The following RORA variants were observed in gnomAD, a reference collection of about 807,000 sequenced individuals.
The protein encoded by RORA is nuclear receptor ROR-alpha.
RORA carries 7 observed loss-of-function variants against 69.5 expected under a neutral mutation model. The ratio of observed to expected loss-of-function variants is 0.10; its 90% CI spans 0.06 to 0.19. The LOEUF is 0.19. Ranked by LOEUF, RORA falls within the 10% of genes least tolerant of loss-of-function variation. RORA has a pLI of 1.00. For synonymous variants in RORA, 261 were observed against 240.8 expected (o/e 1.08, Z -0.78); for missense variants, 457 against 663.0 (o/e 0.69, Z 3.41).
At chr15:60,630,888 CTTTTTT>C (rs542275787) in intron 2 of RORA, among the ~76,000 whole-genome samples, 1 of 109,902 alleles carries the variant, frequency 9.1e-6, no homozygotes, top group African/African-American at 3.8e-5. Context: ...ATGAGACTTT[CTTTTTT>C]TTTTTTTTTT....
chr15:60,906,241 G>A (rs988287758), intron 1 of RORA, among the ~76,000 whole-genome samples: 3 of 152,076 alleles, frequency 2.0e-5, no homozygotes, highest in African/African-American at 7.3e-5. Flanking sequence ...CAACTGTACC[G>A]ACAAAAACCT....
chr15:60,592,468 GC>G, intron 2 of RORA: 3 of 1,367,870 alleles, frequency 2.2e-6, no homozygotes, highest in Non-Finnish European at 2.8e-6. Flanking sequence ...CGACCCCGGA[GC>G]CCCCTCTGCC....
intron 1 of RORA, among the ~76,000 whole-genome samples, chr15:61,200,171 C>T (rs1352393933): frequency 6.6e-6 from 1 of 152,170 alleles, no homozygotes; most frequent in East Asian, 1.9e-4. Flanking sequence ...CAGAGCTCCA[C>T]CTTGACAGGA....
chr15:60,850,726 G>A (rs1366480659), intron 1 of RORA, among the ~76,000 whole-genome samples: 3 of 152,166 alleles, frequency 2.0e-5, no homozygotes, highest in Non-Finnish European at 4.4e-5. Flanking sequence ...CTTGCTCTGA[G>A]CAGGGAGCCC....
intron 1 of RORA, among the ~76,000 whole-genome samples, chr15:60,910,776 A>G (rs529999040): frequency 1.3e-5 from 2 of 152,278 alleles, no homozygotes; most frequent in Non-Finnish European, 1.5e-5. Flanking sequence ...TGATACTGTA[A>G]CAACTAATTG....
At chr15:60,586,827 C>T (rs535780016) in intron 2 of RORA, among the ~76,000 whole-genome samples, 8 of 152,252 alleles carry the variant, frequency 5.3e-5, no homozygotes, top group South Asian at 4.1e-4. Flanking sequence ...GACAAACACA[C>T]CTTAATCCAG....
At chr15:60,513,320 T>C (rs1319815863) in intron 4 of RORA, among the ~76,000 whole-genome samples, 1 of 152,228 alleles carries the variant, frequency 6.6e-6, no homozygotes, top group Admixed American at 6.5e-5. Context: ...ATTTCTTATA[T>C]GCAAAATTTT....
chr15:60,797,347 G>A (rs1180014196), intron 1 of RORA, among the ~76,000 whole-genome samples: 1 of 152,296 alleles, frequency 6.6e-6, no homozygotes, highest in African/African-American at 2.4e-5. Context: ...AGAAGGGACA[G>A]TTCTGGAGCT....
chr15:60,722,741 C>A (rs2071309837), intron 1 of RORA, among the ~76,000 whole-genome samples: 1 of 152,180 alleles, frequency 6.6e-6, no homozygotes, highest in Non-Finnish European at 1.5e-5. Context: ...TGTAGTCATC[C>A]AAGAAAAATA....
At chr15:61,123,211 G>A (rs1029041174) in intron 1 of RORA, among the ~76,000 whole-genome samples, 1 of 152,090 alleles carries the variant, frequency 6.6e-6, no homozygotes, top group African/African-American at 2.4e-5. Flanking sequence ...TCTCAGGGCG[G>A]TGGGTAGGGG....
intron 3 of RORA, among the ~76,000 whole-genome samples, chr15:60,516,685 A>G (rs1304556793): frequency 1.3e-5 from 2 of 152,080 alleles, no homozygotes; most frequent in African/African-American, 4.8e-5. Flanking sequence ...AAAAATTTTT[A>G]AAAAGCCTAC....
intron 1 of RORA, among the ~76,000 whole-genome samples, chr15:60,684,171 C>G (rs983042534): frequency 6.6e-6 from 1 of 152,006 alleles, no homozygotes; most frequent in African/African-American, 2.4e-5. Context: ...TTTCCAGAGG[C>G]CTTGTATCCT....
intron 2 of RORA, among the ~76,000 whole-genome samples, chr15:60,575,539 C>T (rs77081715): frequency 6.8e-6 from 1 of 148,024 alleles, no homozygotes; most frequent in Non-Finnish European, 1.5e-5. Flanking sequence ...ATATGATTTA[C>T]AAAAAAAAAA....
intron 1 of RORA, among the ~76,000 whole-genome samples, chr15:60,767,815 G>A (rs761696123): frequency 2.0e-5 from 3 of 152,178 alleles, no homozygotes; most frequent in East Asian, 1.9e-4. Flanking sequence ...TGACCCCTGG[G>A]TCAGTTTGTC....
intron 1 of RORA, among the ~76,000 whole-genome samples, chr15:60,698,684 A>G (rs12438414): frequency 0.74 from 109,371 of 147,058 alleles, 41,185 homozygotes; most frequent in Admixed American, 0.85. Flanking sequence ...TTTAAAAAGC[A>G]TTGAATAGAT....
At chr15:61,176,761 T>C (rs564799399) in intron 1 of RORA, among the ~76,000 whole-genome samples, 1 of 152,352 alleles carries the variant, frequency 6.6e-6, no homozygotes, top group East Asian at 1.9e-4. Flanking sequence ...ATGACACATA[T>C]AATGTGCCTA....
intron 2 of RORA, among the ~76,000 whole-genome samples, chr15:60,581,276 C>G (rs2068185670): frequency 6.6e-6 from 1 of 152,184 alleles, no homozygotes; most frequent in Non-Finnish European, 1.5e-5. Flanking sequence ...ACTGCCAAAA[C>G]CCTGAGACAT....
At chr15:60,899,492 G>A (rs1430585919) in intron 1 of RORA, among the ~76,000 whole-genome samples, 1 of 152,222 alleles carries the variant, frequency 6.6e-6, no homozygotes, top group African/African-American at 2.4e-5. Context: ...TAAAAGGTAA[G>A]TGACCCAGAC....
intron 1 of RORA, among the ~76,000 whole-genome samples, chr15:60,753,614 A>G (rs2071758091): frequency 2.0e-5 from 3 of 152,378 alleles, no homozygotes; most frequent in South Asian, 2.1e-4. Context: ...GATGTGTTAA[A>G]TAACACTACG....
Sources: allele counts gnomAD v4.1 joint callset (sites outside exome capture counted in the v4.1 genomes callset), GRCh38; gene constraint gnomAD v4.1.1; transcripts MANE v1.5; gene names NCBI Gene and HGNC (gene_info 2026-07-23, HGNC 2026-07-21).